Variants in HERC2 observed in about 807,000 individuals in gnomAD.
HERC2 encodes the protein HECT and RLD domain containing E3 ubiquitin protein ligase 2, also known as E3 ubiquitin-protein ligase HERC2.
A neutral mutation model predicts 537.7 loss-of-function variants in HERC2; 102 were observed. The ratio of observed to expected loss-of-function variants is 0.19; its 90% CI spans 0.16 to 0.22. HERC2 has a LOEUF of 0.22. HERC2 is among the 10% of genes least tolerant of loss of function. HERC2 has a pLI of 1.00. For synonymous variants in HERC2, 2,224 were observed against 2,466.2 expected, an observed-to-expected ratio of 0.90 and a Z score of 2.91; for missense variants, 4,236 against 6,198.2, an observed-to-expected ratio of 0.68 and a Z score of 10.63.
chr15:28,226,006 G>A (rs1029108421), intron 35 of HERC2, among the ~76,000 whole-genome samples: 1 of 152,142 alleles, frequency 6.6e-6, no homozygotes, highest in African/African-American at 2.4e-5. Flanking sequence ...AAGATTTAAA[G>A]CAGAATTGAC....
intron 65 of HERC2, among the ~76,000 whole-genome samples, chr15:28,173,816 A>T (rs2140132362): frequency 6.6e-6 from 1 of 151,424 alleles, no homozygotes; most frequent in South Asian, 2.1e-4. Context: ...AAACCCAACC[A>T]AACAACAACA....
At chr15:28,146,819 G>A (rs532315580) in intron 70 of HERC2, among the ~76,000 whole-genome samples, 5 of 141,678 alleles carry the variant, frequency 3.5e-5, no homozygotes, top group African/African-American at 1.4e-4. Flanking sequence ...TGAGAGGTGT[G>A]CGAGCAGAGG....
chr15:28,279,924 T>C, intron 5 of HERC2, 144 bp downstream of exon 5: 3 of 671,304 alleles, frequency 4.5e-6, no homozygotes, highest in South Asian at 2.0e-5. Flanking sequence ...CTCCAGATTA[T>C]ACAAAACATA....
chr15:28,245,713 T>C (rs1903641243), intron 23 of HERC2, among the ~76,000 whole-genome samples, 168 bp downstream of exon 23: 1 of 152,040 alleles, frequency 6.6e-6, no homozygotes, highest in Admixed American at 6.6e-5. Context: ...TATACATATA[T>C]GACCCAAATT....
At chr15:28,283,097 T>C (rs2076068295) in intron 4 of HERC2, among the ~76,000 whole-genome samples, 2 of 140,924 alleles carry the variant, frequency 1.4e-5, no homozygotes, top group South Asian at 4.6e-4. Flanking sequence ...ACAACTCCAG[T>C]CACTGAACTC....
At chr15:28,263,299 G>A (rs2075463491) in intron 14 of HERC2, 130 bp from the exon 15 acceptor site, 1 of 984,502 alleles carries the variant, frequency 1.0e-6, no homozygotes, top group South Asian at 1.8e-5. Flanking sequence ...AACACTACAA[G>A]GGTGGCTACT....
Position 28,233,743 on chromosome 15 carries a change from C to G in HERC2, c.4272G>C (p.Pro1424=), listed in dbSNP as rs372498859. Residue 1424 remains proline (P), a synonymous_variant, in exon 28 of 93, where the codon CCG becomes CCC. Transcript: ENST00000261609. ...CGGGATGCTCGGGGGGAAACATGAT[C>G]GGTGTGGTCAAATGGCACTGCCTAC... The part of the protein sequence containing the change: ...RYCRQCHLTT[P]IMFPPEHPVE... 4 of 1,612,568 alleles carry G rather than the reference C, an allele frequency of 2.5e-6. No homozygotes were observed. Among genetic ancestry groups the G allele is most frequent in the Non-Finnish European group, 3.4e-6 (4 of 1,178,984 alleles).
At chr15:28,217,247 TCA>T (rs1368328784) in intron 38 of HERC2, among the ~76,000 whole-genome samples, 1 of 151,864 alleles carries the variant, frequency 6.6e-6, no homozygotes, top group Non-Finnish European at 1.5e-5. Flanking sequence ...ATGCTCACCC[TCA>T]CACACACACT....
rs1349961627 is a variant in HERC2, at chr15:28,206,303, C to T, written c.7149G>A (p.Gln2383=). Residue 2383 remains glutamine (Q), a synonymous_variant, in exon 45 of 93, where the codon CAG becomes CAA. Transcript: ENST00000261609. The part of the protein sequence containing the change: ...GPQPPMILLQ[Q]LLASATQPSP... The stretch of plus-strand genomic sequence containing the variant: ...ACGGCTGGGTGGCCGAGGCCAGCAG[C>T]TGCTGCAAGAGGATCATGGGGGGCT... 1.1e-6 allele frequency: 1 copy of T among 886,372 alleles called. No individual in the cohort carries two copies. The highest frequency in any genetic ancestry group is 2.5e-5 in the East Asian group (1 of 39,488). The allele number at this position is 886,372 out of a possible 1,614,324, so 54.9% of individuals were successfully genotyped here. A position where few individuals can be genotyped will look rare whatever the true frequency, so the allele number is the denominator to read the frequency against.
At chr15:28,195,946 T>C (rs1331830369) in intron 52 of HERC2, among the ~76,000 whole-genome samples, 2 of 152,216 alleles carry the variant, frequency 1.3e-5, no homozygotes, top group Non-Finnish European at 2.9e-5. Context: ...CACTTACTAG[T>C]TTCTTGAGAT....
intron 23 of HERC2, among the ~76,000 whole-genome samples, chr15:28,239,329 T>C (rs1902803040): frequency 6.6e-6 from 1 of 151,984 alleles, no homozygotes; most frequent in Non-Finnish European, 1.5e-5. Context: ...AAACACCAAA[T>C]CAATAAAAGT....
intron 3 of HERC2, among the ~76,000 whole-genome samples, chr15:28,296,036 T>C (rs898377590): frequency 3.3e-5 from 5 of 151,680 alleles, no homozygotes; most frequent in Admixed American, 3.3e-4. Context: ...AAATAAAATA[T>C]TCATAGTCTT....
At chr15:28,174,975 T>C (rs1159046843) in intron 64 of HERC2, among the ~76,000 whole-genome samples, 1 of 152,182 alleles carries the variant, frequency 6.6e-6, no homozygotes, top group Non-Finnish European at 1.5e-5. Flanking sequence ...TATGCTCATT[T>C]TTCAAGTAAG....
At position 28,301,973 on chromosome 15, in the gene HERC2, T is replaced by C. The variant is rs992538937; in HGVS notation, c.73-2457A>G. Among the ~76,000 whole-genome samples the C allele has an allele frequency of 5.3e-5, 8 of 150,414 alleles. No homozygotes were observed. The Admixed American group carries it at 5.3e-4, about 10-fold the overall frequency. On this transcript the variant is annotated intron_variant, in intron 2 of 92. Transcript: ENST00000261609. ...CACCACCACACCCAGCTAATTTTTG[T>C]ATTTTTGGTAGAGATGGGGTTTCAC... is the stretch of plus-strand genomic sequence containing the variant.
intron 10 of HERC2, among the ~76,000 whole-genome samples, chr15:28,270,485 A>G (rs1298775658): frequency 2.6e-5 from 4 of 152,156 alleles, no homozygotes; most frequent in Admixed American, 2.6e-4. Flanking sequence ...CCGGGCCCCC[A>G]GGTTGGGTCG....
At chr15:28,271,984 G>C (rs2075742413) in intron 9 of HERC2, 2 of 540,632 alleles carry the variant, frequency 3.7e-6, no homozygotes, top group Admixed American at 3.4e-5. Flanking sequence ...TTATTTAAAA[G>C]TGAATGTTTC....
At chr15:28,184,226 T>TAC (rs1336550655) in intron 56 of HERC2, among the ~76,000 whole-genome samples, 1 of 152,154 alleles carries the variant, frequency 6.6e-6, no homozygotes, top group Non-Finnish European at 1.5e-5. Flanking sequence ...CACATATATA[T>TAC]ACACACATAT....
intron 69 of HERC2, among the ~76,000 whole-genome samples, chr15:28,154,575 G>T (rs547866626): frequency 4.6e-5 from 7 of 152,240 alleles, no homozygotes; most frequent in African/African-American, 1.7e-4. Flanking sequence ...TCTGCAGAGG[G>T]GTCATGATGG....
chr15:28,305,722 A>G (rs2076767287), intron 2 of HERC2, among the ~76,000 whole-genome samples: 1 of 138,346 alleles, frequency 7.2e-6, no homozygotes. Context: ...AAAAGAAACT[A>G]CCATCAGAGT....
Sources: allele counts gnomAD v4.1 joint callset (sites outside exome capture counted in the v4.1 genomes callset), GRCh38; gene constraint gnomAD v4.1.1; transcripts MANE v1.5; gene names NCBI Gene and HGNC (gene_info 2026-07-23, HGNC 2026-07-21).